The following RBFOX1 variants were observed in gnomAD, a reference collection of about 807,000 sequenced individuals.
The protein encoded by RBFOX1 is RNA binding fox-1 homolog 1, also known as RNA binding protein fox-1 homolog 1.
A neutral mutation model predicts 57.7 loss-of-function variants in RBFOX1; 8 were observed. The observed-to-expected ratio is 0.14, with a 90% CI of 0.08 to 0.25. RBFOX1 has a LOEUF of 0.25. RBFOX1 is among the 10% of genes least tolerant of loss of function. The pLI is 1.00. For synonymous variants in RBFOX1, 326 were observed against 222.4 expected, an observed-to-expected ratio of 1.47 and a Z score of -4.15; for missense variants, 611 against 548.5, an observed-to-expected ratio of 1.11 and a Z score of -1.14.
chr16:6,897,395 T>G (rs116904399), intron 3 of RBFOX1, among the ~76,000 whole-genome samples: 1,882 of 152,128 alleles, frequency 0.012, 21 homozygotes, highest in Non-Finnish European at 0.02. Context: ...AGAGCGAGAC[T>G]CCGTCACACA....
chr16:7,182,425 G>A (rs2082906364), intron 4 of RBFOX1, among the ~76,000 whole-genome samples: 1 of 152,080 alleles, frequency 6.6e-6, no homozygotes, highest in Admixed American at 6.6e-5. Context: ...CATGTTCTTG[G>A]CTCGAAAGTT....
At chr16:6,442,522 A>C (rs2094405244) in intron 2 of RBFOX1, among the ~76,000 whole-genome samples, 2 of 151,800 alleles carry the variant, frequency 1.3e-5, no homozygotes, top group African/African-American at 4.8e-5. Flanking sequence ...ACACCACTGC[A>C]CTCCAGCCTG....
At chr16:7,326,735 C>G (rs1202239661) in intron 4 of RBFOX1, among the ~76,000 whole-genome samples, 1 of 152,022 alleles carries the variant, frequency 6.6e-6, no homozygotes, top group Non-Finnish European at 1.5e-5. Flanking sequence ...AAAAGGGCGA[C>G]AGAGCCCAGA....
intron 2 of RBFOX1, among the ~76,000 whole-genome samples, chr16:5,554,044 A>T (rs186883466): frequency 9.2e-4 from 138 of 149,738 alleles, no homozygotes; most frequent in African/African-American, 3.1e-3. Flanking sequence ...ATCTCAGCTC[A>T]CTGCAACCTC....
chr16:5,470,873 C>T lies in RBFOX1; in HGVS notation c.258+3619C>T, dbSNP rs185135755. ...ATTATTATTATTATTATTTCTGAGA[C>T]GGAGTTTCGCTCTCGTCACCCAGGC... On this transcript the variant is annotated intron_variant, in intron 2 of 2. Coordinates refer to the RBFOX1 transcript ENST00000585867. Among the ~76,000 whole-genome samples the T allele has an allele frequency of 1.0e-3, 152 of 152,130 alleles. 2 individuals are homozygous for T. The highest frequency in any genetic ancestry group is 3.3e-3 in the African/African-American group (138 of 41,502).
chr16:7,195,341 C>G lies in RBFOX1; in HGVS notation c.27+143243C>G, dbSNP rs189823618. ...GTCTTGGTTGCAGTGTCTTTTCTAG[C>G]CAGTTTCACCAATGACCTGGTGTGC... is the stretch of plus-strand genomic sequence containing the variant. On this transcript the variant is annotated intron_variant, in intron 4 of 15. Transcript: ENST00000550418. 7.6e-4 allele frequency among the ~76,000 whole-genome samples: 115 copies of G among 152,196 alleles called. 1 individual carries two copies. In the Middle Eastern group the frequency reaches 0.014, roughly 18 times the overall value.
intron 1 of RBFOX1, among the ~76,000 whole-genome samples, chr16:6,250,668 CG>C (rs1244684583): frequency 6.6e-6 from 1 of 152,096 alleles, no homozygotes; most frequent in African/African-American, 2.4e-5. Context: ...CTGCACCAGT[CG>C]GGGAAGCCTG....
intron 1 of RBFOX1, among the ~76,000 whole-genome samples, chr16:6,160,058 C>G (rs1323512826): frequency 6.6e-6 from 1 of 152,038 alleles, no homozygotes; most frequent in Non-Finnish European, 1.5e-5. Flanking sequence ...ATGCTTATGC[C>G]TTATTGAGGC....
At chr16:6,296,189 C>A (rs1035901913) in intron 1 of RBFOX1, among the ~76,000 whole-genome samples, 2 of 152,158 alleles carry the variant, frequency 1.3e-5, no homozygotes, top group African/African-American at 4.8e-5. Context: ...TTTAGTCACT[C>A]ACACGCTCAT....
intron 1 of RBFOX1, among the ~76,000 whole-genome samples, chr16:5,289,902 C>T (rs1241204933): frequency 6.6e-6 from 1 of 152,220 alleles, no homozygotes; most frequent in Non-Finnish European, 1.5e-5. Context: ...AATATATGTC[C>T]ATGCAGAAAG....
intron 4 of RBFOX1, among the ~76,000 whole-genome samples, chr16:7,059,448 A>G (rs1046218104): frequency 6.6e-6 from 1 of 152,210 alleles, no homozygotes; most frequent in African/African-American, 2.4e-5. Flanking sequence ...CAGTAGAGGT[A>G]TAATAATATA....
intron 9 of RBFOX1, among the ~76,000 whole-genome samples, chr16:7,600,869 A>C (rs1177903375): frequency 6.6e-6 from 1 of 152,228 alleles, no homozygotes; most frequent in African/African-American, 2.4e-5. Context: ...AAACAATGAC[A>C]TAATGAAAAG....
chr16:6,296,224 C>T (rs1164600013), intron 1 of RBFOX1, among the ~76,000 whole-genome samples: 2 of 152,132 alleles, frequency 1.3e-5, no homozygotes, highest in Admixed American at 1.3e-4. Flanking sequence ...CTGCTTATGA[C>T]CTTGGTGCCA....
intron 1 of RBFOX1, among the ~76,000 whole-genome samples, chr16:5,375,442 T>A (rs1218886065): frequency 4.6e-5 from 7 of 152,008 alleles, no homozygotes; most frequent in Admixed American, 4.6e-4. Context: ...GCTCTAAGGA[T>A]CCTAGCCTGA....
At chr16:6,654,676 G>A (rs780981983) in intron 3 of RBFOX1, 26 bp downstream of exon 3, 1 of 1,488,976 alleles carries the variant, frequency 6.7e-7, no homozygotes, top group South Asian at 1.3e-5. Context: ...TCATTTTTAG[G>A]GTTGCAAACA....
chr16:7,019,432 A>T (rs2094094915), intron 3 of RBFOX1, among the ~76,000 whole-genome samples: 2 of 152,086 alleles, frequency 1.3e-5, no homozygotes, highest in Admixed American at 1.3e-4. Context: ...GGGAGAGTGC[A>T]TTCATGCTGT....
chr16:5,938,973 A>T (rs192798026), intron 4 of RBFOX1, among the ~76,000 whole-genome samples: 1 of 152,206 alleles, frequency 6.6e-6, no homozygotes, highest in African/African-American at 2.4e-5. Flanking sequence ...AACCATCATT[A>T]TCAGCAAACT....
chr16:5,595,929 C>A (rs997518845), intron 2 of RBFOX1, among the ~76,000 whole-genome samples: 6 of 152,084 alleles, frequency 3.9e-5, no homozygotes, highest in Non-Finnish European at 7.4e-5. Flanking sequence ...GCAGGAAGGG[C>A]AGAAAAAGTC....
At chr16:5,812,884 G>T (rs111431322) in intron 3 of RBFOX1, among the ~76,000 whole-genome samples, 4 of 152,084 alleles carry the variant, frequency 2.6e-5, no homozygotes, top group Non-Finnish European at 1.5e-5. Context: ...TTTTCCATGT[G>T]TGTATTTTCT....
Sources: gnomAD v4.1 joint callset for allele counts (sites outside exome capture counted in the v4.1 genomes callset) on GRCh38, gnomAD v4.1.1 for gene constraint, MANE v1.5 for transcripts, NCBI Gene and HGNC (gene_info 2026-07-23, HGNC 2026-07-21) for gene names.